SP140: variants seen among roughly 807,000 people sequenced by gnomAD.
The protein encoded by SP140 is SP140 nuclear body protein.
Under a neutral mutation model 125.0 loss-of-function variants are expected in SP140, and 81 were observed. That is an observed-to-expected ratio of 0.65 (90% CI 0.54 to 0.78). The LOEUF (loss-of-function observed/expected upper bound fraction) is 0.78, where lower values mean the gene tolerates loss of function less well. Ranked by LOEUF, SP140 falls within the 30% of genes least tolerant of loss-of-function variation. The pLI, the probability that SP140 is intolerant of heterozygous loss-of-function variation, is 0.00. For missense variants in SP140, 858 were observed against 1,037.0 expected (o/e 0.83, Z 2.37); for synonymous variants, 312 against 354.0 (o/e 0.88, Z 1.33).
intron 3 of SP140, chr2:230,239,011 G>C: frequency 2.1e-6 from 3 of 1,437,668 alleles, no homozygotes; most frequent in Non-Finnish European, 2.7e-6. Flanking sequence ...TTGACACCCT[G>C]TGCTAAGGAA....
intron 19 of SP140, 23 bp downstream of exon 19, chr2:230,290,587 A>C: frequency 1.3e-6 from 2 of 1,555,102 alleles, no homozygotes; most frequent in Non-Finnish European, 1.8e-6. Context: ...GTCTTCTTTA[A>C]TTTGCAGCTC....
chr2:230,201,007 C>T, upstream of SP140: 1 of 1,470,860 alleles, frequency 6.8e-7, no homozygotes, highest in Non-Finnish European at 9.5e-7. Context: ...TTGGGAAACA[C>T]CATGGAGAAT....
chr2:230,316,569 T>C (rs780564036), downstream of SP140, among the ~76,000 whole-genome samples: 5 of 152,254 alleles, frequency 3.3e-5, no homozygotes, highest in Non-Finnish European at 7.3e-5. Flanking sequence ...CAGCTCTACA[T>C]CATCCTTGCC....
At chr2:230,313,492 A>G (rs55989015), downstream of SP140, among the ~76,000 whole-genome samples, 61,023 of 152,022 alleles carry the variant, frequency 0.4, 12,793 homozygotes, top group South Asian at 0.51. Flanking sequence ...GACCAAAGGT[A>G]TGGTGTGCGG....
chr2:230,196,701 C>T, the SP140 span, among the ~76,000 whole-genome samples: 2 of 150,734 alleles, frequency 1.3e-5, no homozygotes, highest in Non-Finnish European at 3.0e-5. Flanking sequence ...CCTCCCCGCA[C>T]CCCACAACAG....
At chr2:230,305,727 A>G (rs2058699992) in intron 22 of SP140, among the ~76,000 whole-genome samples, 1 of 152,144 alleles carries the variant, frequency 6.6e-6, no homozygotes, top group African/African-American at 2.4e-5. Flanking sequence ...GGGAAGTGGG[A>G]GTGGCGCCCA....
At chr2:230,268,127 G>C (rs955324563) in intron 12 of SP140, among the ~76,000 whole-genome samples, 1 of 152,108 alleles carries the variant, frequency 6.6e-6, no homozygotes, top group African/African-American at 2.4e-5. Context: ...TTGCTATGTT[G>C]CCCAGGATAG....
upstream of SP140, among the ~76,000 whole-genome samples, chr2:230,224,943 A>G (rs913086519): frequency 6.6e-6 from 1 of 152,180 alleles, no homozygotes; most frequent in African/African-American, 2.4e-5. Context: ...ATGCTGATAT[A>G]GTGTGTTTTT....
At chr2:230,294,624 A>G (rs1471936195) in intron 21 of SP140, among the ~76,000 whole-genome samples, 1 of 152,196 alleles carries the variant, frequency 6.6e-6, no homozygotes, top group African/African-American at 2.4e-5. Context: ...CAAGTTGGAA[A>G]GTCAAGCATG....
At chr2:230,297,767 A>G (rs1453801249) in intron 22 of SP140, among the ~76,000 whole-genome samples, 1 of 152,210 alleles carries the variant, frequency 6.6e-6, no homozygotes, top group Non-Finnish European at 1.5e-5. Flanking sequence ...CTGAAGTGGT[A>G]ATGGGTAGGG....
chr2:230,210,957 T>C (rs2044401397), intron 1 of SP140, among the ~76,000 whole-genome samples: 1 of 152,242 alleles, frequency 6.6e-6, no homozygotes, highest in South Asian at 2.1e-4. Flanking sequence ...GGACCATCCA[T>C]GTCTGCTGCA....
At chr2:230,197,772 T>C in the SP140 span, among the ~76,000 whole-genome samples, 65 of 152,156 alleles carry the variant, frequency 4.3e-4, no homozygotes, top group Non-Finnish European at 8.4e-4. Flanking sequence ...GGCTAGCCAG[T>C]TTTCCCAGCA....
Position 230,248,959 on chromosome 2 carries a change from G to A in SP140, c.967G>A (p.Glu323Lys), listed in dbSNP as rs769727111. Residue 323 changes from glutamate to lysine, a missense_variant, in exon 9 of 27, where the codon GAA becomes AAA. Physicochemically the swap from Glu to Lys is moderately conservative, Grantham distance 56. This residue lies in a region of SP140 where 791 missense variants were observed against 869.5 expected (regional missense o/e 0.91). Transcript: ENST00000392045. The part of the protein sequence containing the change: ...PEKGLCLLPG[E>K]GEEGSDDCSE... ...GAAGGGGCTCTGTCTACTACCAGGTGAAGGAGAAGGTAATTATGATTTAAG... is the reference window on the plus strand; with the variant it reads ...GAAGGGGCTCTGTCTACTACCAGGTAAAGGAGAAGGTAATTATGATTTAAG... 9 of 1,607,916 alleles carry A rather than the reference G, an allele frequency of 5.6e-6. No homozygotes were observed. The African/African-American group carries it at 1.2e-4, about 22-fold the overall frequency.
intron 3 of SP140, chr2:230,219,874 C>T (rs1387770061): frequency 1.0e-6 from 1 of 975,698 alleles, no homozygotes; most frequent in Non-Finnish European, 1.2e-6. Context: ...AGAAACTCAC[C>T]TGGACTTTGA....
chr2:230,223,286 C>T (rs1488972947), upstream of SP140, among the ~76,000 whole-genome samples: 5 of 152,322 alleles, frequency 3.3e-5, no homozygotes, highest in East Asian at 7.7e-4. Flanking sequence ...CTGCCTGCCT[C>T]AGCCTCCCGA....
the SP140 span, among the ~76,000 whole-genome samples, chr2:230,188,718 G>GT: frequency 6.6e-6 from 1 of 152,094 alleles, no homozygotes; most frequent in Non-Finnish European, 1.5e-5. Context: ...TTTATCAAAT[G>GT]TTTTTTCTGC....
chr2:230,314,306 G>T (rs141306969), downstream of SP140, among the ~76,000 whole-genome samples: 1 of 152,102 alleles, frequency 6.6e-6, no homozygotes, highest in Non-Finnish European at 1.5e-5. Flanking sequence ...GACCGCTCAG[G>T]ACAATGCAAG....
At chr2:230,292,506 A>C in intron 19 of SP140, 140 bp from the exon 20 acceptor site, 1 of 1,119,838 alleles carries the variant, frequency 8.9e-7, no homozygotes, top group South Asian at 1.6e-5. Context: ...GGGCCTCTGT[A>C]GTCTGAGAGG....
At chr2:230,287,555 A>G (rs576036318) in intron 17 of SP140, among the ~76,000 whole-genome samples, 1 of 152,304 alleles carries the variant, frequency 6.6e-6, no homozygotes, top group Admixed American at 6.5e-5. Flanking sequence ...TGTGTATTAT[A>G]TGTCATATAT....
Sources: allele counts gnomAD v4.1 joint callset (sites outside exome capture counted in the v4.1 genomes callset), GRCh38; gene constraint gnomAD v4.1.1; regional missense constraint gnomAD v4.1.1; transcripts MANE v1.5; gene names NCBI Gene and HGNC (gene_info 2026-07-23, HGNC 2026-07-21).